The following SLC9C1 variants were observed in gnomAD, a reference collection of about 807,000 sequenced individuals.
The protein encoded by SLC9C1 is solute carrier family 9 member C1.
Under a neutral mutation model 140.9 loss-of-function variants are expected in SLC9C1, and 97 were observed. The observed-to-expected ratio is 0.69, with a 90% CI of 0.58 to 0.82. The LOEUF (loss-of-function observed/expected upper bound fraction) is 0.82, where lower values mean the gene tolerates loss of function less well. SLC9C1 is among the 40% of genes least tolerant of loss of function. The pLI is 0.00. For synonymous variants in SLC9C1, 440 were observed against 442.6 expected (o/e 0.99, Z 0.07); for missense variants, 1,340 against 1,389.3 (o/e 0.96, Z 0.56).
chr3:112,290,867 A>G (rs1248497490), intron 1 of SLC9C1, among the ~76,000 whole-genome samples: 2 of 145,616 alleles, frequency 1.4e-5, no homozygotes, highest in Admixed American at 7.0e-5. Flanking sequence ...GTCTGAAATC[A>G]GGATTGCAAC....
chr3:112,192,026 A>G (rs2077671919), intron 20 of SLC9C1, among the ~76,000 whole-genome samples: 1 of 150,940 alleles, frequency 6.6e-6, no homozygotes, highest in Non-Finnish European at 1.5e-5. Context: ...ATGTCTTAAT[A>G]TTTAGTAGAG....
rs2108347380 is a variant in SLC9C1, at chr3:112,280,704, T to C, written c.168A>G (p.Val56=). 6.2e-7 allele frequency: 1 copy of C among 1,610,868 alleles called. No homozygotes were observed. Among genetic ancestry groups the C allele is most frequent in the East Asian group, 2.2e-5 (1 of 44,806 alleles). The change falls in exon 3 of 29, where the codon GTA becomes GTG. Residue 56 remains valine (V), a synonymous_variant. Coordinates refer to ENST00000305815, the MANE Select transcript of SLC9C1 (RefSeq NM_183061.3). ...ILFLLGCSFE[V]LSFTSSQVQR... is the part of the protein sequence containing the mutation. ...ACACCTGTGAAGATGTAAAGCTTAA[T>C]ACTTCAAAACTGCATCCAAGTAAAA...
intron 28 of SLC9C1, among the ~76,000 whole-genome samples, chr3:112,151,120 G>C (rs2107853126): frequency 6.6e-6 from 1 of 152,132 alleles, no homozygotes; most frequent in African/African-American, 2.4e-5. Context: ...ACAGGCGTGA[G>C]CCACCGCGCC....
chr3:112,186,127 T>C (rs1410253422), intron 20 of SLC9C1: 1 of 586,894 alleles, frequency 1.7e-6, no homozygotes, highest in Non-Finnish European at 2.7e-6. Flanking sequence ...ATATTCTGGA[T>C]ATGAGTTCTT....
chr3:112,256,801 G>A (rs911239710), intron 10 of SLC9C1, among the ~76,000 whole-genome samples: 20 of 152,142 alleles, frequency 1.3e-4, no homozygotes, highest in African/African-American at 4.6e-4. Flanking sequence ...ACATGATTCT[G>A]TATCTAGAAA....
chr3:112,278,362 TG>T (rs2080270882), intron 4 of SLC9C1, among the ~76,000 whole-genome samples: 2 of 152,188 alleles, frequency 1.3e-5, no homozygotes, highest in South Asian at 4.1e-4. Flanking sequence ...TAGATATGAA[TG>T]TAGGAAGCTC....
chr3:112,150,597 A>G (rs754225089), intron 28 of SLC9C1, among the ~76,000 whole-genome samples: 7 of 151,940 alleles, frequency 4.6e-5, no homozygotes, highest in Non-Finnish European at 8.8e-5. Flanking sequence ...TGCTACTTCA[A>G]AGTGGCTGAG....
At chr3:112,146,916 T>C (rs2074812097) in intron 28 of SLC9C1, among the ~76,000 whole-genome samples, 1 of 152,208 alleles carries the variant, frequency 6.6e-6, no homozygotes, top group Non-Finnish European at 1.5e-5. Context: ...CTCACTAGTA[T>C]TGTATGACTA....
At chr3:112,166,657 T>C (rs1016872734) in intron 26 of SLC9C1, among the ~76,000 whole-genome samples, 4 of 152,170 alleles carry the variant, frequency 2.6e-5, no homozygotes, top group Admixed American at 2.6e-4. Context: ...TTTAATGAAT[T>C]GATCAATTAA....
At chr3:112,166,404 G>C (rs2077136253) in intron 26 of SLC9C1, among the ~76,000 whole-genome samples, 1 of 152,186 alleles carries the variant, frequency 6.6e-6, no homozygotes, top group African/African-American at 2.4e-5. Context: ...TTCTTTAAAT[G>C]TTAAATGTGC....
In SLC9C1 at chr3:112,164,576, T is replaced by G. The variant is rs570515264; in HGVS notation, c.3364+2645A>C. 6.6e-5 allele frequency among the ~76,000 whole-genome samples: 10 copies of G among 150,406 alleles called. No homozygotes were observed. The East Asian group carries it at 2.0e-3, about 30-fold the overall frequency. ...TGAAATTCTGGGTTGAAAATTCTTT[T>G]CTTTAAGAATGTTGAATATTGGCCC... On this transcript the variant is annotated intron_variant, in intron 26 of 28. Coordinates refer to ENST00000305815, the MANE Select transcript of SLC9C1 (RefSeq NM_183061.3).
intron 16 of SLC9C1, among the ~76,000 whole-genome samples, chr3:112,206,960 G>A (rs1026153841): frequency 9.2e-5 from 14 of 152,138 alleles, no homozygotes; most frequent in African/African-American, 2.4e-4. Context: ...AAACCTGCAC[G>A]TTGTGCACAT....
chr3:112,221,786 C>T (rs1452152098), intron 13 of SLC9C1, among the ~76,000 whole-genome samples: 1 of 152,050 alleles, frequency 6.6e-6, no homozygotes, highest in African/African-American at 2.4e-5. Flanking sequence ...TCATTCAATA[C>T]ATATATATAA....
intron 2 of SLC9C1, among the ~76,000 whole-genome samples, chr3:112,283,500 G>T (rs2080416486): frequency 7.0e-6 from 1 of 142,332 alleles, no homozygotes; most frequent in Non-Finnish European, 1.5e-5. Flanking sequence ...AAAAAAGAAT[G>T]TCTTTGTTCT....
chr3:112,196,473 G>T (rs538114603), intron 20 of SLC9C1, among the ~76,000 whole-genome samples: 1 of 152,020 alleles, frequency 6.6e-6, no homozygotes, highest in Non-Finnish European at 1.5e-5. Context: ...CTCAAATATT[G>T]TCTTTTTTCC....
chr3:112,267,630 A>C (rs1412423983), intron 7 of SLC9C1, among the ~76,000 whole-genome samples: 1 of 151,688 alleles, frequency 6.6e-6, no homozygotes, highest in Non-Finnish European at 1.5e-5. Flanking sequence ...TTAAAACCAA[A>C]AAAATTTCTA....
Position 112,150,648 on chromosome 3 carries a change from C to G in SLC9C1, c.3524+1209G>C, listed in dbSNP as rs79501425. Among the ~76,000 whole-genome samples the G allele has an allele frequency of 1.1e-3, 168 of 151,172 alleles. 2 individuals carry two copies. The East Asian group carries it at 0.025, about 23-fold the overall frequency. ...CTAATCCGCCATTAAATTCATCTTG[C>G]AAATACTTTTTTATAGGGTATTTTA... On this transcript the variant is annotated intron_variant, in intron 28 of 28. Transcript: ENST00000305815.
rs543508040 is a variant in SLC9C1 at position 112,143,987 on chromosome 3, A to G, written c.3525-2706T>C. On this transcript the variant is annotated intron_variant, in intron 28 of 28. Transcript: ENST00000305815. The stretch of plus-strand genomic sequence containing the variant: ...TATATGGCTAGCCAGTTATCCTAGT[A>G]CCAGTTATTGAATAGGGAGTCCTTT... 2.0e-5 allele frequency among the ~76,000 whole-genome samples: 3 copies of G among 152,158 alleles called. No individual in the cohort carries two copies. In the East Asian group the frequency reaches 5.8e-4, roughly 29 times the overall value.
chr3:112,171,146 G>A (rs9881180), intron 23 of SLC9C1, among the ~76,000 whole-genome samples: 1,522 of 152,182 alleles, frequency 0.01, 25 homozygotes, highest in African/African-American at 0.034. Flanking sequence ...TCCGGGAGGC[G>A]GAGGTTGCAG....
Sources: allele counts gnomAD v4.1 joint callset (sites outside exome capture counted in the v4.1 genomes callset), GRCh38; gene constraint gnomAD v4.1.1; transcripts MANE v1.5; gene names NCBI Gene and HGNC (gene_info 2026-07-23, HGNC 2026-07-21).